Variants in CDKAL1 observed in about 807,000 individuals in gnomAD.
CDKAL1 encodes the protein threonylcarbamoyladenosine tRNA methylthiotransferase.
CDKAL1 carries 32 observed loss-of-function variants against 68.2 expected under a neutral mutation model. The ratio of observed to expected loss-of-function variants is 0.47; its 90% confidence interval spans 0.35 to 0.63. The LOEUF (loss-of-function observed/expected upper bound fraction) is 0.63, where lower values mean the gene tolerates loss of function less well. Ranked by LOEUF, CDKAL1 falls within the 30% of genes least tolerant of loss-of-function variation. CDKAL1 has a pLI of 0.00. For missense variants in CDKAL1, 606 were observed against 696.7 expected (o/e 0.87, Z 1.47); for synonymous variants, 234 against 244.3 (o/e 0.96, Z 0.39).
At chr6:20,836,754 A>G (rs1222423521) in intron 8 of CDKAL1, among the ~76,000 whole-genome samples, 2 of 152,128 alleles carry the variant, frequency 1.3e-5, no homozygotes, top group East Asian at 3.9e-4. Context: ...TCCTGTTCCA[A>G]TAAAGAAAAG....
chr6:20,908,769 T>C (rs1028823893), intron 9 of CDKAL1, among the ~76,000 whole-genome samples: 17 of 152,362 alleles, frequency 1.1e-4, no homozygotes, highest in Non-Finnish European at 2.5e-4. Context: ...CAAATTCCAT[T>C]GTCTGTCTTA....
At chr6:21,039,307 A>G (rs1054516949) in intron 11 of CDKAL1, among the ~76,000 whole-genome samples, 1 of 152,192 alleles carries the variant, frequency 6.6e-6, no homozygotes, top group African/African-American at 2.4e-5. Context: ...CAAACCCCCA[A>G]GTCCATGGAA....
At chr6:20,635,795 T>G (rs1002371557) in intron 4 of CDKAL1, among the ~76,000 whole-genome samples, 1 of 152,324 alleles carries the variant, frequency 6.6e-6, no homozygotes, top group Non-Finnish European at 1.5e-5. Context: ...AAAGACAGAT[T>G]AACAGAAGAA....
intron 8 of CDKAL1, among the ~76,000 whole-genome samples, chr6:20,786,364 A>G (rs1359168268): frequency 6.6e-6 from 1 of 152,224 alleles, no homozygotes; most frequent in African/African-American, 2.4e-5. Context: ...GAATTTTTTA[A>G]AAAGTCAACC....
chr6:21,227,145 A>G (rs961566744), intron 15 of CDKAL1, among the ~76,000 whole-genome samples: 1 of 152,226 alleles, frequency 6.6e-6, no homozygotes, highest in African/African-American at 2.4e-5. Context: ...GCCTCTGTTT[A>G]CTTTCTAGAA....
At chr6:20,712,871 A>T (rs1200924265) in intron 5 of CDKAL1, among the ~76,000 whole-genome samples, 4 of 152,022 alleles carry the variant, frequency 2.6e-5, no homozygotes, top group African/African-American at 7.3e-5. Context: ...TGAACTCCTG[A>T]CCTCGTGATC....
At chr6:20,906,449 A>G (rs191962042) in intron 9 of CDKAL1, among the ~76,000 whole-genome samples, 137 of 152,334 alleles carry the variant, frequency 9.0e-4, no homozygotes, top group Admixed American at 3.1e-3. Context: ...CATATAAAAT[A>G]CACAGATGTT....
intron 6 of CDKAL1, chr6:20,756,226 A>G (rs940531506): frequency 6.6e-5 from 10 of 152,168 alleles, no homozygotes; most frequent in African/African-American, 2.4e-4. Context: ...ATAAATAGTT[A>G]CTTGTACGAA....
At chr6:20,601,763 C>T (rs776271341) in intron 4 of CDKAL1, among the ~76,000 whole-genome samples, 6 of 152,036 alleles carry the variant, frequency 3.9e-5, no homozygotes, top group East Asian at 1.9e-4. Flanking sequence ...CTAAAATAAC[C>T]GAGGCCCGCA....
At chr6:20,683,602 G>T (rs2127794863) in intron 5 of CDKAL1, among the ~76,000 whole-genome samples, 1 of 152,254 alleles carries the variant, frequency 6.6e-6, no homozygotes, top group East Asian at 1.9e-4. Flanking sequence ...TTGAGAGGAA[G>T]GTACAGAGAT....
chr6:20,857,197 G>GA (rs1417984013), intron 9 of CDKAL1, among the ~76,000 whole-genome samples: 3 of 152,092 alleles, frequency 2.0e-5, no homozygotes, highest in Non-Finnish European at 4.4e-5. Flanking sequence ...TGTAATATAA[G>GA]AAAGAGAAGT....
chr6:21,004,957 G>A (rs1346286497), intron 11 of CDKAL1, among the ~76,000 whole-genome samples: 1 of 152,012 alleles, frequency 6.6e-6, no homozygotes, highest in Non-Finnish European at 1.5e-5. Flanking sequence ...GCAAGATCCT[G>A]TCTTTCAAAA....
rs538751728 is a variant in CDKAL1, at chr6:20,663,511, T to C, written c.371+14134T>C. 4.6e-5 allele frequency among the ~76,000 whole-genome samples: 7 copies of C among 152,204 alleles called. No individual in the cohort carries two copies. In the South Asian group the frequency reaches 1.0e-3, roughly 23 times the overall value. The stretch of plus-strand genomic sequence containing the variant: ...AATGACATAGTTGACATGTAAGAAC[T>C]TTTCCTCTTTTTGCTTACTCTGAGT... On this transcript the variant is annotated intron_variant, in intron 5 of 15. Coordinates refer to ENST00000274695, the MANE Select transcript of CDKAL1 (RefSeq NM_017774.3).
chr6:21,192,949 T>A (rs1778320264), intron 13 of CDKAL1, among the ~76,000 whole-genome samples: 2 of 152,100 alleles, frequency 1.3e-5, no homozygotes, highest in South Asian at 4.2e-4. Flanking sequence ...TCCAAGTAGC[T>A]GGGACTACAG....
chr6:20,598,907 C>A (rs1765959698), intron 4 of CDKAL1, among the ~76,000 whole-genome samples: 1 of 151,750 alleles, frequency 6.6e-6, no homozygotes, highest in Admixed American at 6.6e-5. Context: ...TTTAGTCGGC[C>A]TAAATTTAAT....
intron 2 of CDKAL1, among the ~76,000 whole-genome samples, chr6:20,537,466 C>T (rs1022541119): frequency 4.6e-5 from 7 of 152,064 alleles, no homozygotes; most frequent in Non-Finnish European, 5.9e-5. Flanking sequence ...ATTAGCTGGG[C>T]GTGGTGGCAG....
At chr6:21,132,325 C>T (rs959231888) in intron 13 of CDKAL1, among the ~76,000 whole-genome samples, 8 of 151,804 alleles carry the variant, frequency 5.3e-5, no homozygotes, top group African/African-American at 1.9e-4. Flanking sequence ...ATGTGATTTA[C>T]GCAGAATTTA....
At chr6:20,667,483 C>A (rs1769605567) in intron 5 of CDKAL1, among the ~76,000 whole-genome samples, 1 of 104,540 alleles carries the variant, frequency 9.6e-6, no homozygotes, top group Admixed American at 9.9e-5. Context: ...TTATTTTACA[C>A]CCCCCTTCCC....
chr6:21,137,217 AT>A (rs1775651366), intron 13 of CDKAL1, among the ~76,000 whole-genome samples: 1 of 152,226 alleles, frequency 6.6e-6, no homozygotes, highest in Admixed American at 6.5e-5. Flanking sequence ...GCTTTTAGAA[AT>A]TCCTTATTTT....
Sources: gnomAD v4.1 joint callset for allele counts (sites outside exome capture counted in the v4.1 genomes callset) on GRCh38, gnomAD v4.1.1 for gene constraint, MANE v1.5 for transcripts, NCBI Gene and HGNC (gene_info 2026-07-23, HGNC 2026-07-21) for gene names.